SNX18: variants seen among roughly 807,000 people sequenced by gnomAD.
The protein encoded by SNX18 is sorting nexin-18.
In SNX18, 35 loss-of-function variants were observed where a neutral mutation model predicts 48.7. That is an observed-to-expected ratio of 0.72 (90% CI 0.55 to 0.95). SNX18 has a LOEUF of 0.95. SNX18 is among the 40% of genes least tolerant of loss of function. The pLI, the probability that SNX18 is intolerant of heterozygous loss-of-function variation, is 0.00. For missense variants in SNX18, 824 were observed against 871.0 expected (o/e 0.95, Z 0.68); for synonymous variants, 492 against 384.7 (o/e 1.28, Z -3.26).
At chr5:54,542,173 C>A (rs1464272515) in intron 1 of SNX18, among the ~76,000 whole-genome samples, 1 of 152,206 alleles carries the variant, frequency 6.6e-6, no homozygotes, top group Non-Finnish European at 1.5e-5. Flanking sequence ...TTCCTAAGAA[C>A]TCAGGAATAG....
At chr5:54,624,205 T>C in the SNX18 span, among the ~76,000 whole-genome samples, 1 of 152,332 alleles carries the variant, frequency 6.6e-6, no homozygotes, top group East Asian at 1.9e-4. Context: ...TACCACACTA[T>C]GCAGTAACTG....
the SNX18 span, among the ~76,000 whole-genome samples, chr5:54,581,003 A>C: frequency 6.6e-6 from 1 of 152,164 alleles, no homozygotes; most frequent in African/African-American, 2.4e-5. Flanking sequence ...GGTAGGACTC[A>C]AAAAGGATGC....
chr5:54,576,524 C>G, the SNX18 span, among the ~76,000 whole-genome samples: 2 of 152,270 alleles, frequency 1.3e-5, no homozygotes, highest in Admixed American at 1.3e-4. Context: ...CCACTGTGAC[C>G]CACAGCCTTT....
At chr5:54,526,959 G>A (rs748419348) in intron 1 of SNX18, among the ~76,000 whole-genome samples, 9 of 151,902 alleles carry the variant, frequency 5.9e-5, no homozygotes, top group Non-Finnish European at 8.8e-5. Context: ...CAGGTATCTC[G>A]GGGGAGAGCT....
At chr5:54,529,859 TTTCAGCATTAATTATCAGCTATTGTA>T (rs1210973667) in intron 1 of SNX18, among the ~76,000 whole-genome samples, 1 of 152,196 alleles carries the variant, frequency 6.6e-6, no homozygotes, top group Non-Finnish European at 1.5e-5. Context: ...GAAAAATATT[TTTCAGCATTAATTATCAGCTATTGTA>T]TTAGTTTCCT....
At chr5:54,639,781 A>G in the SNX18 span, among the ~76,000 whole-genome samples, 1 of 150,610 alleles carries the variant, frequency 6.6e-6, no homozygotes, top group Non-Finnish European at 1.5e-5. Context: ...GCGTACTCAG[A>G]GAAGCGATTT....
At chr5:54,569,108 G>A in the SNX18 span, among the ~76,000 whole-genome samples, 1 of 151,882 alleles carries the variant, frequency 6.6e-6, no homozygotes, top group Admixed American at 6.6e-5. Context: ...CTCCCAAAGT[G>A]CTGGGATTAC....
chr5:54,546,751 AC>A (rs375748422), downstream of SNX18, among the ~76,000 whole-genome samples: 1 of 152,360 alleles, frequency 6.6e-6, no homozygotes, highest in East Asian at 1.9e-4. Context: ...TTAATTTAAA[AC>A]CATCATCATT....
At chr5:54,616,775 G>GAA in the SNX18 span, among the ~76,000 whole-genome samples, 5 of 149,250 alleles carry the variant, frequency 3.4e-5, no homozygotes, top group South Asian at 2.1e-4. Flanking sequence ...TCTCAAAAAA[G>GAA]AAAAAAAAAA....
At chr5:54,614,770 A>G in the SNX18 span, among the ~76,000 whole-genome samples, 1 of 152,214 alleles carries the variant, frequency 6.6e-6, no homozygotes, top group African/African-American at 2.4e-5. Flanking sequence ...GTGAGCCAAG[A>G]TCACATCAGT....
chr5:54,588,957 A>G, the SNX18 span, among the ~76,000 whole-genome samples: 3 of 152,212 alleles, frequency 2.0e-5, no homozygotes, highest in African/African-American at 7.2e-5. Flanking sequence ...ATGTCTGTGG[A>G]GCAACTATAC....
At chr5:54,607,289 C>T in the SNX18 span, among the ~76,000 whole-genome samples, 7 of 152,176 alleles carry the variant, frequency 4.6e-5, no homozygotes, top group African/African-American at 1.7e-4. Context: ...TCACCCCAGC[C>T]CCACTCCCCA....
At chr5:54,532,052 C>G (rs1461762373) in intron 1 of SNX18, among the ~76,000 whole-genome samples, 1 of 152,212 alleles carries the variant, frequency 6.6e-6, no homozygotes, top group Admixed American at 6.5e-5. Flanking sequence ...CTTGCCTTGG[C>G]TTCTCTCGTA....
rs1444903955 is a variant in SNX18, at chr5:54,545,418, T to G, written c.*1986T>G. On this transcript the variant is annotated 3_prime_UTR_variant, in exon 2 of 2. Transcript: ENST00000381410. ...ATTTTGATGGTGGTTGGATTTTTTT[T>G]TTTTTAATAGTAAAATCACTAAACT... 2.0e-5 allele frequency: 3 copies of G among 152,164 alleles called. No individual in the cohort carries two copies. The highest frequency in any genetic ancestry group is 4.4e-5 in the Non-Finnish European group (3 of 68,006). 9.4% of individuals were successfully genotyped at this position (152,164 alleles called of 1,614,324 possible).
At chr5:54,533,963 A>G (rs780165646) in intron 1 of SNX18, among the ~76,000 whole-genome samples, 2 of 152,084 alleles carry the variant, frequency 1.3e-5, no homozygotes, top group Non-Finnish European at 2.9e-5. Flanking sequence ...TGTGGATCCC[A>G]GCAATGAGAG....
chr5:54,541,027 T>TC (rs1554020504), intron 1 of SNX18, among the ~76,000 whole-genome samples: 3 of 152,126 alleles, frequency 2.0e-5, no homozygotes, highest in South Asian at 2.1e-4. Flanking sequence ...TTTCTTTTTT[T>TC]TCTCTCTCTC....
chr5:54,590,443 CTT>C, the SNX18 span, among the ~76,000 whole-genome samples: 3 of 152,126 alleles, frequency 2.0e-5, no homozygotes, highest in African/African-American at 7.2e-5. Context: ...TTATTGGTTT[CTT>C]TTGAGCAGAA....
At chr5:54,562,611 C>T in the SNX18 span, among the ~76,000 whole-genome samples, 1 of 152,188 alleles carries the variant, frequency 6.6e-6, no homozygotes, top group African/African-American at 2.4e-5. Context: ...AAACAAACCT[C>T]CTGCACTGCC....
the SNX18 span, among the ~76,000 whole-genome samples, chr5:54,572,790 T>A: frequency 8.2e-4 from 82 of 100,382 alleles, no homozygotes; most frequent in South Asian, 1.4e-3. Context: ...TTTTTTTTTT[T>A]TTTTTTTTTT....
Sources: gnomAD v4.1 joint callset for allele counts (sites outside exome capture counted in the v4.1 genomes callset) on GRCh38, gnomAD v4.1.1 for gene constraint, MANE v1.5 for transcripts, NCBI Gene and HGNC (gene_info 2026-07-23, HGNC 2026-07-21) for gene names.